WWOX: variants seen among roughly 807,000 people sequenced by gnomAD.
WWOX encodes WW domain containing oxidoreductase.
In WWOX, 69 loss-of-function variants were observed where a neutral mutation model predicts 46.2. The observed-to-expected ratio is 1.49, with a 90% CI of 1.23 to 1.82. WWOX has a LOEUF of 1.82. Among genes scored for constraint, WWOX ranks in the 40% most tolerant of loss-of-function variants. The probability of loss-of-function intolerance (pLI) is 0.00; values close to 1 mark genes in which losing one functional copy is unlikely to be tolerated. For synonymous variants in WWOX, 359 were observed against 202.6 expected (o/e 1.77, Z -6.56); for missense variants, 919 against 542.6 (o/e 1.69, Z -6.89).
chr16:78,758,826 T>A (rs1272180278), intron 8 of WWOX, among the ~76,000 whole-genome samples: 1 of 151,948 alleles, frequency 6.6e-6, no homozygotes, highest in East Asian at 1.9e-4. Flanking sequence ...TGTATCTCAG[T>A]TGCCATATTT....
In WWOX at chr16:78,333,052, T is replaced by TTTTTTTTTTTTTTTTG. The variant is rs2080800088; in HGVS notation, c.517-53807_517-53792dup. Among the ~76,000 whole-genome samples the TTTTTTTTTTTTTTTTG allele has an allele frequency of 2.6e-5, 3 of 114,084 alleles. 1 individual carries two copies. Among genetic ancestry groups the TTTTTTTTTTTTTTTTG allele is most frequent in the Non-Finnish European group, 5.3e-5 (3 of 56,918 alleles). The allele number at this position is 114,084 out of a possible 152,430, so 74.8% of individuals were successfully genotyped here. A position where few individuals can be genotyped will look rare whatever the true frequency, so the allele number is the denominator to read the frequency against. ...ATGGAAGAGCATTATACTTTTTTTT[T>TTTTTTTTTTTTTTTTG]TTTTTTTTTTTTTTTGAGACAGAGT... On this transcript the variant is annotated intron_variant, in intron 5 of 8. Coordinates refer to ENST00000566780, the MANE Select transcript of WWOX (RefSeq NM_016373.4).
At chr16:78,353,713 G>A (rs1338570799) in intron 5 of WWOX, among the ~76,000 whole-genome samples, 3 of 152,226 alleles carry the variant, frequency 2.0e-5, no homozygotes, top group Non-Finnish European at 4.4e-5. Flanking sequence ...TCACCTTGGA[G>A]AAGAACTTAA....
chr16:79,121,676 A>G (rs2049634642), intron 8 of WWOX, among the ~76,000 whole-genome samples: 4 of 152,072 alleles, frequency 2.6e-5, no homozygotes, highest in African/African-American at 9.7e-5. Flanking sequence ...GCGCCAAGGG[A>G]AGCTGGGCTT....
intron 8 of WWOX, among the ~76,000 whole-genome samples, chr16:79,184,131 C>A (rs762324808): frequency 6.6e-6 from 1 of 152,188 alleles, no homozygotes; most frequent in African/African-American, 2.4e-5. Context: ...GAAAAATCTT[C>A]TGAATGGATT....
chr16:78,365,064 T>C (rs1185084124), intron 5 of WWOX, among the ~76,000 whole-genome samples: 2 of 152,204 alleles, frequency 1.3e-5, no homozygotes, highest in Non-Finnish European at 2.9e-5. Context: ...TCAAATTCTT[T>C]CTCCAACTAG....
chr16:78,764,030 C>T (rs1011018443), intron 8 of WWOX, among the ~76,000 whole-genome samples: 4 of 152,134 alleles, frequency 2.6e-5, no homozygotes, highest in African/African-American at 7.2e-5. Context: ...GGAGTGGCAC[C>T]AGCTGCGTAG....
chr16:79,040,571 T>C (rs1368370344), intron 8 of WWOX, among the ~76,000 whole-genome samples: 1 of 152,178 alleles, frequency 6.6e-6, no homozygotes, highest in African/African-American at 2.4e-5. Flanking sequence ...CCACTGGGCC[T>C]GGCCTGAGTT....
chr16:79,209,921 C>T (rs1032472088), intron 8 of WWOX, among the ~76,000 whole-genome samples: 4 of 152,170 alleles, frequency 2.6e-5, no homozygotes, highest in East Asian at 1.9e-4. Flanking sequence ...ACTTGAGCCA[C>T]ACAAATCAAT....
Position 78,338,296 on chromosome 16 carries a change from C to T in WWOX, c.517-48564C>T, listed in dbSNP as rs954175388. Among the ~76,000 whole-genome samples the T allele has an allele frequency of 1.6e-5, 2 of 121,438 alleles. 1 individual carries two copies. Among genetic ancestry groups the T allele is most frequent in the Admixed American group, 1.6e-4 (2 of 12,452 alleles). The allele number at this position is 121,438 out of a possible 152,430, so 79.7% of individuals were successfully genotyped here. ...TAGTGAGCAGGTGGAAATGTAGACA[C>T]CAACACCCTCATGGATTCCCAGCTG... On this transcript the variant is annotated intron_variant, in intron 5 of 8. Transcript: ENST00000566780.
chr16:78,877,894 C>T (rs1416838270), intron 8 of WWOX, among the ~76,000 whole-genome samples: 1 of 152,170 alleles, frequency 6.6e-6, no homozygotes, highest in Non-Finnish European at 1.5e-5. Context: ...AGCTAAATGA[C>T]TTCAGCGCCC....
chr16:78,531,244 G>C lies in WWOX; in HGVS notation c.1056+98492G>C, dbSNP rs1157292575. ...ACATTCAGTGCTGGGAGTCTTTCTTGAGGGACAGTGAGAGCGAGGAAGGGT... is the reference window on the plus strand; with the variant it reads ...ACATTCAGTGCTGGGAGTCTTTCTTCAGGGACAGTGAGAGCGAGGAAGGGT... On this transcript the variant is annotated intron_variant, in intron 8 of 8. Transcript: ENST00000566780. Among the ~76,000 whole-genome samples, 4 of 152,312 alleles carry C rather than the reference G, an allele frequency of 2.6e-5. No individual in the cohort carries two copies. The East Asian group carries it at 7.7e-4, about 29-fold the overall frequency.
intron 8 of WWOX, among the ~76,000 whole-genome samples, chr16:78,991,702 G>C (rs750709512): frequency 1.3e-5 from 2 of 150,620 alleles, no homozygotes; most frequent in Non-Finnish European, 3.0e-5. Context: ...CCTATACAAC[G>C]CAAGCCATAA....
intron 8 of WWOX, among the ~76,000 whole-genome samples, chr16:78,505,204 A>T (rs184495972): frequency 6.6e-6 from 1 of 152,186 alleles, no homozygotes; most frequent in South Asian, 2.1e-4. Flanking sequence ...GCCCATCCCA[A>T]ATGAATTCTA....
intron 8 of WWOX, among the ~76,000 whole-genome samples, chr16:78,727,017 C>T (rs942568541): frequency 7.2e-5 from 11 of 152,168 alleles, no homozygotes; most frequent in South Asian, 2.1e-4. Context: ...CTACATCTTC[C>T]GTGGTGTAAG....
At position 78,981,330 on chromosome 16, in the gene WWOX, G is replaced by T. The variant is rs570965676; in HGVS notation, c.1057-230278G>T. ...AATAACCAAAAATGCTGGGTGGGGG[G>T]GGAAAACGCCAGCAGATCTCTTTAG... On this transcript the variant is annotated intron_variant, in intron 8 of 8. Transcript: ENST00000566780. Among the ~76,000 whole-genome samples the T allele has an allele frequency of 1.1e-4, 17 of 152,266 alleles. No homozygotes were observed. In the South Asian group the frequency reaches 1.2e-3, roughly 11 times the overall value.
intron 8 of WWOX, among the ~76,000 whole-genome samples, chr16:79,079,256 G>A (rs935224823): frequency 6.6e-6 from 1 of 152,170 alleles, no homozygotes; most frequent in East Asian, 1.9e-4. Context: ...ATAAGACAGT[G>A]GGTATTTAAT....
chr16:78,919,198 C>T (rs1245229890), intron 8 of WWOX, among the ~76,000 whole-genome samples: 4 of 152,068 alleles, frequency 2.6e-5, no homozygotes, highest in East Asian at 1.9e-4. Context: ...GTGCTATTCT[C>T]TTATGTGTAT....
At chr16:79,080,994 A>G (rs1333102586) in intron 8 of WWOX, among the ~76,000 whole-genome samples, 2 of 152,180 alleles carry the variant, frequency 1.3e-5, no homozygotes, top group East Asian at 1.9e-4. Flanking sequence ...CTCCAAACAC[A>G]CACACGCACA....
At chr16:79,147,180 A>G (rs913551280) in intron 8 of WWOX, among the ~76,000 whole-genome samples, 12 of 152,176 alleles carry the variant, frequency 7.9e-5, no homozygotes, top group African/African-American at 2.4e-4. Flanking sequence ...ACACAACTAC[A>G]TCAAGACAGT....
Sources: gnomAD v4.1 joint callset for allele counts (sites outside exome capture counted in the v4.1 genomes callset) on GRCh38, gnomAD v4.1.1 for gene constraint, MANE v1.5 for transcripts, NCBI Gene and HGNC (gene_info 2026-07-23, HGNC 2026-07-21) for gene names.